DIP2B: variants seen among roughly 807,000 people sequenced by gnomAD.
The protein encoded by DIP2B is DIP2 acetate--CoA ligase B (putative).
A neutral mutation model predicts 198.0 loss-of-function variants in DIP2B; 76 were observed. That is an observed-to-expected ratio of 0.38 (90% confidence interval 0.32 to 0.46). The LOEUF is 0.46. Ranked by LOEUF, DIP2B falls within the 20% of genes least tolerant of loss-of-function variation. DIP2B has a pLI of 0.99. For synonymous variants in DIP2B, 701 were observed against 739.1 expected, an observed-to-expected ratio of 0.95 and a Z score of 0.84; for missense variants, 1,559 against 1,978.4, an observed-to-expected ratio of 0.79 and a Z score of 4.02.
intron 1 of DIP2B, among the ~76,000 whole-genome samples, chr12:50,582,956 G>T (rs879610911): frequency 2.0e-5 from 3 of 151,748 alleles, no homozygotes; most frequent in African/African-American, 7.3e-5. Flanking sequence ...TTTGTCAGGG[G>T]GGCATTTACC....
chr12:50,676,443 G>T (rs974652938), intron 7 of DIP2B, among the ~76,000 whole-genome samples: 4 of 152,132 alleles, frequency 2.6e-5, no homozygotes, highest in Non-Finnish European at 5.9e-5. Flanking sequence ...GTTTTTTTAG[G>T]AATCACTAAA....
intron 7 of DIP2B, among the ~76,000 whole-genome samples, chr12:50,675,671 C>T (rs1592122376): frequency 6.6e-6 from 1 of 152,164 alleles, no homozygotes; most frequent in East Asian, 1.9e-4. Flanking sequence ...AAAGAGATCA[C>T]CATGGAGCAT....
intron 37 of DIP2B, among the ~76,000 whole-genome samples, chr12:50,743,245 G>A (rs1940286848): frequency 6.6e-6 from 1 of 152,082 alleles, no homozygotes. Flanking sequence ...ACCATGCCCG[G>A]CTAATTTTTG....
intron 31 of DIP2B, 81 bp downstream of exon 31, chr12:50,731,618 G>A: frequency 6.9e-7 from 1 of 1,458,274 alleles, no homozygotes; most frequent in East Asian, 2.3e-5. Flanking sequence ...CAGAGCAGGG[G>A]CTAACAGACA....
At chr12:50,546,801 A>T (rs1958381663) in intron 1 of DIP2B, among the ~76,000 whole-genome samples, 1 of 152,182 alleles carries the variant, frequency 6.6e-6, no homozygotes, top group African/African-American at 2.4e-5. Context: ...AACTTATCAC[A>T]GCCCCATGTT....
intron 14 of DIP2B, among the ~76,000 whole-genome samples, chr12:50,694,650 G>GTC (rs1477243142): frequency 1.0e-5 from 1 of 97,946 alleles, no homozygotes; most frequent in Non-Finnish European, 2.1e-5. Flanking sequence ...TGAAACCCCT[G>GTC]TCTCTTTTTT....
At chr12:50,664,475 C>G (rs1938711062) in intron 4 of DIP2B, among the ~76,000 whole-genome samples, 1 of 152,150 alleles carries the variant, frequency 6.6e-6, no homozygotes, top group African/African-American at 2.4e-5. Flanking sequence ...TTACTGCCAT[C>G]CAGTTCCCTT....
chr12:50,553,926 T>C (rs553197720), intron 1 of DIP2B, among the ~76,000 whole-genome samples: 208 of 152,306 alleles, frequency 1.4e-3, no homozygotes, highest in African/African-American at 4.9e-3. Flanking sequence ...AGTGTTGGGA[T>C]TGCAGGTGTC....
rs1447003076 is a variant in DIP2B at position 50,748,434 on chromosome 12, A to G, written c.*3595A>G. The G allele has an allele frequency of 6.5e-6, 1 of 152,696 alleles. No homozygotes were observed. The highest frequency in any genetic ancestry group is 2.4e-5 in the African/African-American group (1 of 41,472). 9.5% of individuals were successfully genotyped at this position (152,696 alleles called of 1,614,324 possible). ...TCCAGAGGAAGAGACTAAAGATATA[A>G]GAATAATTTTTTAGTCCTAAATGCT... On this transcript the variant is annotated 3_prime_UTR_variant, in exon 38 of 38. Transcript: ENST00000301180.
chr12:50,634,201 A>G (rs1243326408), intron 2 of DIP2B, among the ~76,000 whole-genome samples: 1 of 152,192 alleles, frequency 6.6e-6, no homozygotes, highest in Admixed American at 6.5e-5. Context: ...AGAAGTGGCC[A>G]GGAAATTGAC....
At chr12:50,665,689 G>A (rs1423182523) in intron 4 of DIP2B, among the ~76,000 whole-genome samples, 2 of 151,794 alleles carry the variant, frequency 1.3e-5, no homozygotes, top group East Asian at 3.9e-4. Flanking sequence ...GGAGGCTGAG[G>A]TGGGAGAATC....
chr12:50,735,198 G>C, intron 34 of DIP2B, 68 bp downstream of exon 34: 1 of 1,563,208 alleles, frequency 6.4e-7, no homozygotes. Flanking sequence ...AAAGAAACCA[G>C]AAGCCATATA....
chr12:50,550,098 T>G (rs927960732), intron 1 of DIP2B, among the ~76,000 whole-genome samples: 4 of 152,206 alleles, frequency 2.6e-5, no homozygotes, highest in African/African-American at 9.6e-5. Context: ...TTGCCCTGTG[T>G]TAGTGCCTTG....
intron 2 of DIP2B, among the ~76,000 whole-genome samples, chr12:50,631,364 T>C (rs1243814443): frequency 1.3e-5 from 2 of 152,076 alleles, no homozygotes; most frequent in African/African-American, 4.8e-5. Flanking sequence ...GTAGCTGAGA[T>C]TACAGGCACC....
chr12:50,507,172 T>C (rs1246866522), intron 1 of DIP2B, among the ~76,000 whole-genome samples: 1 of 152,246 alleles, frequency 6.6e-6, no homozygotes, highest in Non-Finnish European at 1.5e-5. Context: ...CATGGTTTGC[T>C]TTCCAATGAA....
At chr12:50,560,813 CT>C (rs1958513552) in intron 1 of DIP2B, among the ~76,000 whole-genome samples, 1 of 152,136 alleles carries the variant, frequency 6.6e-6, no homozygotes, top group Non-Finnish European at 1.5e-5. Context: ...AGAGAATGAT[CT>C]TTCTCAATTT....
In DIP2B at chr12:50,671,171, T is replaced by A; in HGVS notation, c.428-15T>A. 6.2e-7 allele frequency: 1 copy of A among 1,612,580 alleles called. No individual in the cohort carries two copies. On this transcript the variant is annotated splice_polypyrimidine_tract_variant and intron_variant, in intron 4 of 37. Coordinates refer to ENST00000301180, the MANE Select transcript of DIP2B (RefSeq NM_173602.3). ...AGGTAGGATCGAGAACTTCTTTTTT[T>A]CTAATTCCACACAGACACATCTTCG...
intron 1 of DIP2B, among the ~76,000 whole-genome samples, chr12:50,571,430 C>A (rs1958612721): frequency 6.6e-6 from 1 of 152,110 alleles, no homozygotes; most frequent in Non-Finnish European, 1.5e-5. Context: ...GCCTTGGCCT[C>A]CCAAAGTGCT....
At chr12:50,549,152 C>T (rs910853271) in intron 1 of DIP2B, among the ~76,000 whole-genome samples, 2 of 147,380 alleles carry the variant, frequency 1.4e-5, no homozygotes, top group Non-Finnish European at 3.0e-5. Context: ...GAGTCAGGGA[C>T]GAAAGTGGGG....
Sources: allele counts gnomAD v4.1 joint callset (sites outside exome capture counted in the v4.1 genomes callset), GRCh38; gene constraint gnomAD v4.1.1; transcripts MANE v1.5; gene names NCBI Gene and HGNC (gene_info 2026-07-23, HGNC 2026-07-21).